The following ARHGEF18 variants were observed in gnomAD, a reference collection of about 807,000 sequenced individuals.
ARHGEF18 encodes Rho/Rac guanine nucleotide exchange factor 18.
In ARHGEF18, 93 loss-of-function variants were observed where a neutral mutation model predicts 155.7. That is an observed-to-expected ratio of 0.60 (90% CI 0.50 to 0.71). ARHGEF18 has a LOEUF of 0.71. Ranked by LOEUF, ARHGEF18 falls within the 30% of genes least tolerant of loss-of-function variation. ARHGEF18 has a pLI of 0.00. For synonymous variants in ARHGEF18, 742 were observed against 753.1 expected, an observed-to-expected ratio of 0.99 and a Z score of 0.24; for missense variants, 1,593 against 1,816.1, an observed-to-expected ratio of 0.88 and a Z score of 2.23.
chr19:7,381,087 G>A, intron 8 of ARHGEF18, 93 bp downstream of exon 8: 2 of 1,009,486 alleles, frequency 2.0e-6, no homozygotes, highest in Non-Finnish European at 2.5e-6. Flanking sequence ...CATGCTGGGG[G>A]CAGGAGCTGG....
intron 10 of ARHGEF18, among the ~76,000 whole-genome samples, chr19:7,402,368 G>A (rs186191547): frequency 4.2e-4 from 64 of 152,224 alleles, no homozygotes; most frequent in African/African-American, 1.5e-3. Context: ...GCAGTGAGCC[G>A]AGATCCTGCC....
At chr19:7,377,914 G>A (rs1394853419) in intron 5 of ARHGEF18, among the ~76,000 whole-genome samples, 5 of 151,920 alleles carry the variant, frequency 3.3e-5, no homozygotes, top group African/African-American at 7.3e-5. Context: ...GTGAAACCCC[G>A]TCTCTACTAA....
chr19:7,439,985 T>A lies in ARHGEF18; in HGVS notation c.968-359T>A, dbSNP rs199785853. ...ATATCCTGCCCTCCAGACCCGCTGC[T>A]TCAGCCAATACAGCAAGGGAAGACG... On this transcript the variant is annotated intron_variant, in intron 10 of 28. Transcript: ENST00000668164. 1,502 of 1,547,440 alleles carry A rather than the reference T, an allele frequency of 9.7e-4. 6 individuals carry two copies. Among genetic ancestry groups the A allele is most frequent in the Middle Eastern group, 6.1e-3 (34 of 5,618 alleles).
At chr19:7,469,174 C>G in intron 27 of ARHGEF18, 43 bp downstream of exon 27, 8 of 1,526,894 alleles carry the variant, frequency 5.2e-6, no homozygotes, top group Non-Finnish European at 6.2e-6. Context: ...GAAGGTGCAA[C>G]TGGTCAGGCT....
intron 10 of ARHGEF18, among the ~76,000 whole-genome samples, chr19:7,399,673 G>T (rs1488160170): frequency 6.6e-6 from 1 of 151,646 alleles, no homozygotes; most frequent in East Asian, 1.9e-4. Context: ...GTAGAGATTG[G>T]GTTTCACCGT....
chr19:7,460,722 T>C (rs940519574), intron 20 of ARHGEF18, among the ~76,000 whole-genome samples: 4 of 152,120 alleles, frequency 2.6e-5, no homozygotes. Flanking sequence ...TCAAGAACAA[T>C]TCCTGGTGCC....
At chr19:7,375,070 G>A (rs192210709) in intron 3 of ARHGEF18, among the ~76,000 whole-genome samples, 12 of 152,184 alleles carry the variant, frequency 7.9e-5, no homozygotes, top group East Asian at 1.9e-4. Flanking sequence ...TGAGGAGTTC[G>A]AGATCAGCCT....
At position 7,462,079 on chromosome 19, in the gene ARHGEF18, C is replaced by A; in HGVS notation, c.2453-73C>A. The A allele has an allele frequency of 1.3e-6, 2 of 1,592,246 alleles. No individual in the cohort carries two copies. Among genetic ancestry groups the A allele is most frequent in the South Asian group, 1.1e-5 (1 of 89,754 alleles). ...GCCAGCGGGGTTCCTCATCCTTAGG[C>A]CAGTCCCCGGGGCTCAGATGATTCC... On this transcript the variant is annotated intron_variant, in intron 20 of 28. Transcript: ENST00000668164. This position sits in a 1 kb window ranked among gnomAD's most constrained non-coding sequence, Gnocchi z 4.4.
At chr19:7,437,794 C>T (rs953039462) in intron 10 of ARHGEF18, among the ~76,000 whole-genome samples, 1 of 151,456 alleles carries the variant, frequency 6.6e-6, no homozygotes, top group Non-Finnish European at 1.5e-5. Context: ...CAGGTGCCCG[C>T]CACCATGCCC....
intron 10 of ARHGEF18, among the ~76,000 whole-genome samples, chr19:7,436,862 T>C (rs1600434148): frequency 6.6e-6 from 1 of 152,174 alleles, no homozygotes; most frequent in East Asian, 1.9e-4. Context: ...GCTTTGTGAG[T>C]GACATCTTCA....
Position 7,453,651 on chromosome 19 carries a change from G to A in ARHGEF18, c.2040G>A (p.Met680Ile). The A allele has an allele frequency of 6.2e-7, 1 of 1,608,946 alleles. No individual in the cohort carries two copies. The highest frequency in any genetic ancestry group is 8.5e-7 in the Non-Finnish European group (1 of 1,176,202). ...KNGLTFRKED[M>I]LQRQLHLEGM... Reference sequence around the variant, plus strand: ...GGCTCACCTTCCGCAAGGAAGACATGCTTCAGCGGCAGCTCCACCTGGAGG... The same window carrying A: ...GGCTCACCTTCCGCAAGGAAGACATACTTCAGCGGCAGCTCCACCTGGAGG... Residue 680 changes from methionine to isoleucine, a missense_variant, in exon 17 of 29, where the codon ATG becomes ATA. Met to Ile is a conservative substitution (Grantham distance 10). Transcript: ENST00000668164.
chr19:7,352,666 TG>T (rs1969186748), intron 1 of ARHGEF18, among the ~76,000 whole-genome samples: 2 of 150,044 alleles, frequency 1.3e-5, no homozygotes, highest in African/African-American at 2.5e-5. Flanking sequence ...CCCGAGTAGC[TG>T]GGAATACAGG....
At chr19:7,464,033 G>C in intron 22 of ARHGEF18, 78 bp downstream of exon 22, 1 of 1,463,254 alleles carries the variant, frequency 6.8e-7, no homozygotes, top group Non-Finnish European at 9.1e-7. Context: ...GGGTTTCCTA[G>C]AACTTTCTTT....
At chr19:7,381,894 C>T (rs1970765047) in intron 8 of ARHGEF18, among the ~76,000 whole-genome samples, 1 of 152,012 alleles carries the variant, frequency 6.6e-6, no homozygotes, top group Non-Finnish European at 1.5e-5. Flanking sequence ...TGGATATTTA[C>T]AAAGTTCCAG....
At position 7,377,593 on chromosome 19, in the gene ARHGEF18, GGGCAACAT is replaced by G. The variant is rs1970520216; in HGVS notation, c.542-797_542-790del. 2.0e-5 allele frequency among the ~76,000 whole-genome samples: 3 copies of G among 151,804 alleles called. No homozygotes were observed. In the East Asian group the frequency reaches 5.9e-4, roughly 30 times the overall value. ...GAGCCCAGGAGTTTGAGGCCAGCCT[GGGCAACAT>G]GGCGAAACCTTGTCTCTACTAAAAA... On this transcript the variant is annotated intron_variant, in intron 5 of 28. Coordinates refer to ENST00000668164, the MANE Select transcript of ARHGEF18 (RefSeq NM_001367823.1).
intron 15 of ARHGEF18, among the ~76,000 whole-genome samples, chr19:7,450,872 C>T: frequency 7.0e-6 from 1 of 142,584 alleles, no homozygotes; most frequent in Non-Finnish European, 1.5e-5. Context: ...CTGTCCGTTT[C>T]CGAGATGTTA....
chr19:7,403,153 A>G (rs758138145), intron 10 of ARHGEF18, among the ~76,000 whole-genome samples: 2 of 152,194 alleles, frequency 1.3e-5, no homozygotes, highest in Non-Finnish European at 2.9e-5. Context: ...AGCTGGGGCT[A>G]CAGGTGCAGG....
intron 10 of ARHGEF18, among the ~76,000 whole-genome samples, chr19:7,437,519 A>G (rs1974336794): frequency 6.6e-6 from 1 of 151,822 alleles, no homozygotes; most frequent in African/African-American, 2.4e-5. Context: ...TGCCCACCCC[A>G]TGGTTTATAA....
In ARHGEF18 at chr19:7,463,969, C is replaced by A; in HGVS notation, c.2773+14C>A. ...GCCCCACCAAGAGTAAGAGCGGGGC[C>A]GTCTCCCCTCCTGCCTCCAGGGCCG... On this transcript the variant is annotated intron_variant, in intron 22 of 28. Transcript: ENST00000668164. The surrounding 1 kb of genome is among the most constrained non-coding windows in gnomAD (Gnocchi z 5.2). 6.4e-7 allele frequency: 1 copy of A among 1,565,868 alleles called. No individual in the cohort carries two copies. Among genetic ancestry groups the A allele is most frequent in the Non-Finnish European group, 8.7e-7 (1 of 1,155,004 alleles).
Sources: gnomAD v4.1 joint callset for allele counts (sites outside exome capture counted in the v4.1 genomes callset) on GRCh38, gnomAD v4.1.1 for gene constraint, Gnocchi (gnomAD v3.1) non-coding constraint, MANE v1.5 for transcripts, NCBI Gene and HGNC (gene_info 2026-07-23, HGNC 2026-07-21) for gene names.